Variants in HTR4 observed in about 807,000 individuals in gnomAD.
HTR4 encodes the protein 5-hydroxytryptamine (serotonin) receptor 4, G protein-coupled.
A neutral mutation model predicts 36.8 loss-of-function variants in HTR4; 16 were observed. The ratio of observed to expected loss-of-function variants is 0.43; its 90% CI spans 0.29 to 0.66. The LOEUF is 0.66. HTR4 is among the 30% of genes least tolerant of loss of function. HTR4 has a pLI of 0.13. For synonymous variants in HTR4, 189 were observed against 185.1 expected, an observed-to-expected ratio of 1.02 and a Z score of -0.17; for missense variants, 438 against 490.9, an observed-to-expected ratio of 0.89 and a Z score of 1.02.
intron 2 of HTR4, among the ~76,000 whole-genome samples, chr5:148,610,150 A>C (rs1219487829): frequency 6.6e-6 from 1 of 152,216 alleles, no homozygotes; most frequent in East Asian, 1.9e-4. Flanking sequence ...GGCCTTCTTC[A>C]GCCCTCATAG....
intron 2 of HTR4, among the ~76,000 whole-genome samples, chr5:148,570,600 G>T (rs563775268): frequency 6.6e-6 from 1 of 152,218 alleles, no homozygotes; most frequent in East Asian, 1.9e-4. Flanking sequence ...AGGAGACAAA[G>T]ATCACTGGAG....
At chr5:148,587,634 T>C (rs942108541) in intron 2 of HTR4, among the ~76,000 whole-genome samples, 19 of 152,192 alleles carry the variant, frequency 1.2e-4, no homozygotes, top group African/African-American at 4.6e-4. Context: ...CCTTCACTAA[T>C]TTGTGTCTGT....
intron 5 of HTR4, among the ~76,000 whole-genome samples, chr5:148,470,783 G>T (rs2113703646): frequency 6.6e-6 from 1 of 152,256 alleles, no homozygotes; most frequent in East Asian, 1.9e-4. Context: ...CCACCTCCCA[G>T]ATTCAAGCGA....
chr5:148,599,273 A>C (rs978934734), intron 2 of HTR4, among the ~76,000 whole-genome samples: 1 of 152,162 alleles, frequency 6.6e-6, no homozygotes, highest in Non-Finnish European at 1.5e-5. Context: ...ACAAATCAAG[A>C]AATATTATGA....
intron 2 of HTR4, among the ~76,000 whole-genome samples, chr5:148,573,248 G>A (rs1299898407): frequency 6.6e-6 from 1 of 152,078 alleles, no homozygotes; most frequent in Non-Finnish European, 1.5e-5. Context: ...TATTGAGAAG[G>A]TTTCTGAGAA....
At chr5:148,509,084 T>C (rs2113770254) in intron 6 of HTR4, among the ~76,000 whole-genome samples, 1 of 152,314 alleles carries the variant, frequency 6.6e-6, no homozygotes, top group East Asian at 1.9e-4. Flanking sequence ...TAAATACTTG[T>C]TAAGTGTCAG....
chr5:148,644,866 T>C (rs1161725188), intron 1 of HTR4: 5 of 152,176 alleles, frequency 3.3e-5, no homozygotes, highest in Non-Finnish European at 7.3e-5. Flanking sequence ...GGAAGTCTGA[T>C]GGCTTACAGA....
chr5:148,644,425 T>G (rs893401212), intron 1 of HTR4, among the ~76,000 whole-genome samples: 56 of 86,820 alleles, frequency 6.5e-4, no homozygotes, highest in African/African-American at 2.4e-3. Flanking sequence ...CTCACAAGTT[T>G]TTTTTTTTTT....
At chr5:148,477,845 G>A (rs76744341), downstream of HTR4, among the ~76,000 whole-genome samples, 3,603 of 151,878 alleles carry the variant, frequency 0.024, 94 homozygotes, top group East Asian at 0.15. Flanking sequence ...TTTTCCCTTC[G>A]CCTGACTTGA....
intron 6 of HTR4, among the ~76,000 whole-genome samples, chr5:148,493,690 A>C (rs1756559273): frequency 1.3e-5 from 2 of 152,176 alleles, no homozygotes; most frequent in South Asian, 4.1e-4. Flanking sequence ...AAAAAAAAAG[A>C]AAGGCTTTAA....
intron 2 of HTR4, among the ~76,000 whole-genome samples, chr5:148,627,658 A>G (rs1753169058): frequency 6.6e-6 from 1 of 152,232 alleles, no homozygotes; most frequent in African/African-American, 2.4e-5. Flanking sequence ...GAAGGGGGAA[A>G]AAAGATTCTT....
chr5:148,569,697 A>C (rs1055098254), intron 2 of HTR4, among the ~76,000 whole-genome samples: 2 of 151,966 alleles, frequency 1.3e-5, no homozygotes, highest in African/African-American at 4.8e-5. Context: ...ATCAATATAC[A>C]TTATATGATA....
intron 2 of HTR4, among the ~76,000 whole-genome samples, chr5:148,563,370 T>C (rs1301154963): frequency 6.6e-6 from 1 of 152,166 alleles, no homozygotes; most frequent in Non-Finnish European, 1.5e-5. Context: ...GAGGACTTAT[T>C]TAAAAAAGAA....
At chr5:148,459,831 A>T (rs1459484078) in intron 5 of HTR4, among the ~76,000 whole-genome samples, 1 of 152,196 alleles carries the variant, frequency 6.6e-6, no homozygotes, top group Non-Finnish European at 1.5e-5. Context: ...TATGGAAGGG[A>T]CATTGGAATT....
chr5:148,505,007 C>T lies in HTR4; in HGVS notation c.1076+4449G>A, dbSNP rs145857302. 4.2e-3 allele frequency among the ~76,000 whole-genome samples: 646 copies of T among 152,194 alleles called. 6 individuals carry two copies. Among genetic ancestry groups the T allele is most frequent in the African/African-American group, 0.015 (613 of 41,526 alleles). On this transcript the variant is annotated intron_variant, in intron 6 of 6. Transcript: ENST00000377888. ...TGAAATTGAGGCAGTAATTAATAGC[C>T]TACCAACCAAAAAAATCCAGGATCA...
chr5:148,630,973 T>C, intron 2 of HTR4, among the ~76,000 whole-genome samples: 1 of 152,196 alleles, frequency 6.6e-6, no homozygotes, highest in East Asian at 1.9e-4. Flanking sequence ...GTTGAAGTTC[T>C]GTTAGGAACG....
Position 148,483,141 on chromosome 5 carries a change from C to T in HTR4, c.*62G>A, listed in dbSNP as rs1003303295. The T allele has an allele frequency of 9.9e-6, 16 of 1,609,836 alleles. 1 individual carries two copies. The African/African-American group carries it at 1.9e-4, about 19-fold the overall frequency. ...ACCGGGTGCAGTCGCGCACAAGCAG[C>T]AGCTTAGGACCTGGCCCTCTTTCGG... On this transcript the variant is annotated 3_prime_UTR_variant, in exon 7 of 7. Transcript: ENST00000377888.
In HTR4 at chr5:148,483,383, C is replaced by T. The variant is rs1033683560; in HGVS notation, c.1077-90G>A. 7.0e-5 allele frequency: 80 copies of T among 1,150,272 alleles called. 1 individual carries two copies. The highest frequency in any genetic ancestry group is 9.5e-5 in the Non-Finnish European group (74 of 781,442). 71.3% of individuals were successfully genotyped at this position (1,150,272 alleles called of 1,614,324 possible). ...AGAGCCCACCTGCATGGCAGGAACA[C>T]TCTGTGCCATGCAGATGAGTAGCTA... On this transcript the variant is annotated intron_variant, in intron 6 of 6. Coordinates refer to ENST00000377888, the MANE Select transcript of HTR4 (RefSeq NM_000870.7).
At chr5:148,585,793 C>A (rs1761323124) in intron 2 of HTR4, among the ~76,000 whole-genome samples, 1 of 152,164 alleles carries the variant, frequency 6.6e-6, no homozygotes. Context: ...TGCTGTCCAC[C>A]AGGATGACTG....
Sources: gnomAD v4.1 joint callset for allele counts (sites outside exome capture counted in the v4.1 genomes callset) on GRCh38, gnomAD v4.1.1 for gene constraint, MANE v1.5 for transcripts, NCBI Gene and HGNC (gene_info 2026-07-23, HGNC 2026-07-21) for gene names.